ARHGAP17: variants seen among roughly 807,000 people sequenced by gnomAD.
ARHGAP17 encodes rho GTPase-activating protein 17.
In ARHGAP17, 57 loss-of-function variants were observed where a neutral mutation model predicts 99.5. The ratio of observed to expected loss-of-function variants is 0.57; its 90% CI spans 0.46 to 0.71. The LOEUF (loss-of-function observed/expected upper bound fraction) is 0.71, where lower values mean the gene tolerates loss of function less well. ARHGAP17 is among the 30% of genes least tolerant of loss of function. The probability of loss-of-function intolerance (pLI) is 0.00; values close to 1 mark genes in which losing one functional copy is unlikely to be tolerated. For synonymous variants in ARHGAP17, 417 were observed against 429.6 expected (o/e 0.97, Z 0.36); for missense variants, 1,000 against 1,122.4 (o/e 0.89, Z 1.56).
At chr16:24,985,588 G>A (rs568587518) in intron 1 of ARHGAP17, among the ~76,000 whole-genome samples, 1 of 152,260 alleles carries the variant, frequency 6.6e-6, no homozygotes, top group South Asian at 2.1e-4. Context: ...ATTACACTGG[G>A]CCCACCTGGC....
Position 24,947,490 on chromosome 16 carries a change from T to G in ARHGAP17, c.1233A>C (p.Arg411Ser). Residue 411 changes from arginine (R) to serine (S), a missense_variant, in exon 14 of 20, where the codon AGA (arginine) becomes AGC (serine). Transcript: ENST00000289968. ...AGAGAAAGATGACTTACCCTTCATT[T>G]CTGGCCCATAACAAGTTAGGGCCTA... ...IVLGPNLLWA[R>S]NEGTLAEMAA... 1.9e-6 allele frequency: 3 copies of G among 1,613,046 alleles called. No individual in the cohort carries two copies. The highest frequency in any genetic ancestry group is 2.5e-6 in the Non-Finnish European group (3 of 1,179,542).
intron 14 of ARHGAP17, among the ~76,000 whole-genome samples, chr16:24,947,099 T>C (rs966456679): frequency 1.3e-5 from 2 of 152,252 alleles, no homozygotes; most frequent in Admixed American, 1.3e-4. Context: ...CCTGTTAACC[T>C]GTCTTATGTC....
chr16:25,000,811 A>G (rs557211540), intron 1 of ARHGAP17, among the ~76,000 whole-genome samples: 47 of 152,352 alleles, frequency 3.1e-4, no homozygotes, highest in Admixed American at 1.9e-3. Context: ...TGTTTTCTCC[A>G]TATAGTTGGA....
At position 24,959,678 on chromosome 16, in the gene ARHGAP17, G is replaced by A. The variant is rs773108483; in HGVS notation, c.717C>T (p.Ala239=). The A allele has an allele frequency of 6.2e-7, 1 of 1,613,910 alleles. No individual in the cohort carries two copies. The highest frequency in any genetic ancestry group is 1.1e-5 in the South Asian group (1 of 91,050). The change falls in exon 9 of 20, where the codon GCC becomes GCT. Residue 239 remains alanine, a synonymous_variant. Transcript: ENST00000289968. The part of the protein sequence containing the change: ...VLEKTLPEMR[A]HQDKWAEKPA... ...GCACGCGGGTTACATTACCTTGATGGGCTCGCATTTCGGGGAGGGTCTTTT... is the reference window on the plus strand; with the variant it reads ...GCACGCGGGTTACATTACCTTGATGAGCTCGCATTTCGGGGAGGGTCTTTT...
At chr16:24,970,416 G>T in intron 4 of ARHGAP17, 91 bp downstream of exon 4, 1 of 1,226,660 alleles carries the variant, frequency 8.2e-7, no homozygotes, top group Non-Finnish European at 1.2e-6. Context: ...AACGCTCACA[G>T]TTCCTCTCAC....
chr16:24,923,216 G>C (rs1234855158), intron 19 of ARHGAP17, among the ~76,000 whole-genome samples: 4 of 152,172 alleles, frequency 2.6e-5, no homozygotes, highest in Non-Finnish European at 5.9e-5. Flanking sequence ...CTCCTCCCCA[G>C]AGGAGTCTGT....
chr16:24,972,777 T>A (rs112305156), intron 3 of ARHGAP17: 1 of 152,220 alleles, frequency 6.6e-6, no homozygotes, highest in Non-Finnish European at 1.5e-5. Context: ...GTGGTTTCCC[T>A]AACCTGACCC....
chr16:25,015,096 G>C, intron 1 of ARHGAP17, 113 bp downstream of exon 1: 13 of 1,056,398 alleles, frequency 1.2e-5, no homozygotes, highest in Non-Finnish European at 1.5e-5. Context: ...TCTCGGGCAG[G>C]GGCTGCGGCC....
chr16:25,006,168 C>T (rs1356298888), intron 1 of ARHGAP17, among the ~76,000 whole-genome samples: 2 of 151,778 alleles, frequency 1.3e-5, no homozygotes, highest in Admixed American at 1.3e-4. Context: ...TAATGAGCAC[C>T]TAATTAAGGT....
At chr16:24,929,339 A>G (rs1255422660) in intron 19 of ARHGAP17, among the ~76,000 whole-genome samples, 1 of 152,148 alleles carries the variant, frequency 6.6e-6, no homozygotes, top group Non-Finnish European at 1.5e-5. Context: ...CCCCTAAGAA[A>G]GAAGATACTC....
chr16:24,988,568 TCTTAA>T (rs1038314053), intron 1 of ARHGAP17, among the ~76,000 whole-genome samples: 16 of 152,210 alleles, frequency 1.1e-4, no homozygotes, highest in African/African-American at 3.4e-4. Context: ...GCCTTCTCAA[TCTTAA>T]CTTAATCTTG....
At chr16:24,922,050 G>A (rs1351305320) in intron 19 of ARHGAP17, among the ~76,000 whole-genome samples, 1 of 152,236 alleles carries the variant, frequency 6.6e-6, no homozygotes, top group Non-Finnish European at 1.5e-5. Context: ...GATGCATGAA[G>A]AGTCATCTAG....
At chr16:24,954,572 T>C in intron 10 of ARHGAP17, 31 bp downstream of exon 10, 1 of 1,600,780 alleles carries the variant, frequency 6.2e-7, no homozygotes, top group Non-Finnish European at 8.5e-7. Flanking sequence ...GCATGGAGAC[T>C]TGGTGCACAG....
intron 1 of ARHGAP17, among the ~76,000 whole-genome samples, chr16:24,993,415 A>G (rs1236506146): frequency 6.6e-6 from 1 of 151,942 alleles, no homozygotes. Flanking sequence ...GTGAAACCCC[A>G]TTTCTACTAA....
At chr16:24,985,076 C>T (rs1286025691) in intron 1 of ARHGAP17, among the ~76,000 whole-genome samples, 1 of 152,050 alleles carries the variant, frequency 6.6e-6, no homozygotes, top group Non-Finnish European at 1.5e-5. Context: ...CAACTGTGTC[C>T]CCAGAGGACA....
intron 3 of ARHGAP17, chr16:24,972,594 A>G (rs1292406269): frequency 1.3e-5 from 2 of 152,210 alleles, no homozygotes; most frequent in African/African-American, 4.8e-5. Flanking sequence ...GATAATTCCT[A>G]CCTTTTGGTT....
In ARHGAP17 at chr16:24,954,822, C is replaced by A. The variant is rs142219319; in HGVS notation, c.725-92G>T. 20 of 1,536,106 alleles carry A rather than the reference C, an allele frequency of 1.3e-5. No homozygotes were observed. In the African/African-American group the frequency reaches 2.2e-4, roughly 17 times the overall value. On this transcript the variant is annotated intron_variant, in intron 9 of 19. Transcript: ENST00000289968. ...CAACTACCCAATGGGCTTTTCTAGC[C>A]GACTGGTAGGTGAGGCTGTGCAAGA...
At chr16:24,981,098 G>A (rs1438598319) in intron 1 of ARHGAP17, among the ~76,000 whole-genome samples, 3 of 152,196 alleles carry the variant, frequency 2.0e-5, no homozygotes, top group Non-Finnish European at 4.4e-5. Flanking sequence ...TAGCTCAGAG[G>A]TATGCTAGAG....
chr16:24,967,793 A>G (rs930338768), intron 6 of ARHGAP17, among the ~76,000 whole-genome samples: 34 of 152,054 alleles, frequency 2.2e-4, no homozygotes, highest in African/African-American at 5.5e-4. Flanking sequence ...AAAAAAAAAA[A>G]AAAAGAAAAG....
Sources: gnomAD v4.1 joint callset for allele counts (sites outside exome capture counted in the v4.1 genomes callset) on GRCh38, gnomAD v4.1.1 for gene constraint, MANE v1.5 for transcripts, NCBI Gene and HGNC (gene_info 2026-07-23, HGNC 2026-07-21) for gene names.